The following CAMK2D variants were observed in gnomAD, a reference collection of about 807,000 sequenced individuals.
CAMK2D encodes the protein calcium/calmodulin dependent protein kinase II delta, also known as calcium/calmodulin-dependent protein kinase type II subunit delta.
In CAMK2D, 37 loss-of-function variants were observed where a neutral mutation model predicts 84.0. The ratio of observed to expected loss-of-function variants is 0.44; its 90% CI spans 0.34 to 0.58. The LOEUF (loss-of-function observed/expected upper bound fraction) is 0.58, where lower values mean the gene tolerates loss of function less well. Among genes scored for constraint, CAMK2D ranks in the 20% least tolerant of loss-of-function variants. The probability of loss-of-function intolerance (pLI) is 0.02; values close to 1 mark genes in which losing one functional copy is unlikely to be tolerated. For missense variants in CAMK2D, 448 were observed against 652.5 expected (o/e 0.69, Z 3.41); for synonymous variants, 202 against 212.5 (o/e 0.95, Z 0.43).
chr4:113,548,352 T>C (rs2098599213), intron 5 of CAMK2D, among the ~76,000 whole-genome samples: 1 of 152,138 alleles, frequency 6.6e-6, no homozygotes, highest in Non-Finnish European at 1.5e-5. Context: ...GCCAAGTTTA[T>C]CTCCAGGCAA....
At chr4:113,535,782 C>T (rs2098485565) in intron 7 of CAMK2D, among the ~76,000 whole-genome samples, 1 of 152,172 alleles carries the variant, frequency 6.6e-6, no homozygotes, top group African/African-American at 2.4e-5. Context: ...ATTATTGAAC[C>T]TCTCTCCAGA....
chr4:113,558,209 T>A (rs1005096334), intron 4 of CAMK2D, among the ~76,000 whole-genome samples: 6 of 152,244 alleles, frequency 3.9e-5, no homozygotes, highest in African/African-American at 1.4e-4. Context: ...TCAGTTTTCA[T>A]AATCACCATT....
chr4:113,757,782 T>C (rs2099631860), intron 2 of CAMK2D, among the ~76,000 whole-genome samples: 2 of 152,100 alleles, frequency 1.3e-5, no homozygotes, highest in Non-Finnish European at 2.9e-5. Flanking sequence ...AGGCTTCTTC[T>C]CCACAGATTG....
chr4:113,654,830 C>T (rs2099191506), intron 3 of CAMK2D, among the ~76,000 whole-genome samples: 2 of 151,714 alleles, frequency 1.3e-5, no homozygotes, highest in Admixed American at 6.6e-5. Flanking sequence ...TGCAATATTA[C>T]AATTATCTGA....
chr4:113,577,477 C>T (rs761068065), intron 4 of CAMK2D, among the ~76,000 whole-genome samples: 1 of 152,168 alleles, frequency 6.6e-6, no homozygotes, highest in Non-Finnish European at 1.5e-5. Flanking sequence ...CATCCACATA[C>T]ACTATACTGA....
At chr4:113,489,562 T>TC (rs1264913818) in intron 16 of CAMK2D, among the ~76,000 whole-genome samples, 1 of 149,930 alleles carries the variant, frequency 6.7e-6, no homozygotes, top group Non-Finnish European at 1.5e-5. Context: ...TTGGGTTGGT[T>TC]CCAAGTCTTT....
Position 113,761,371 on chromosome 4 carries a change from A to G in CAMK2D, c.-303T>C. 7.5e-7 allele frequency: 1 copy of G among 1,335,168 alleles called. No homozygotes were observed. Among genetic ancestry groups the G allele is most frequent in the Non-Finnish European group, 9.6e-7 (1 of 1,036,446 alleles). 82.7% of individuals were successfully genotyped at this position (1,335,168 alleles called of 1,614,324 possible). ...TTTTCCAGTCCCTGTCCCCAAATGC[A>G]GGGGGTAAAGTACTCAAGAAGAGGG... On this transcript the variant is annotated 5_prime_UTR_variant, in exon 1 of 21. Coordinates refer to ENST00000511664, the MANE Select transcript of CAMK2D (RefSeq NM_001321571.2).
intron 4 of CAMK2D, among the ~76,000 whole-genome samples, chr4:113,585,949 G>T (rs1248969598): frequency 6.6e-6 from 1 of 152,140 alleles, no homozygotes; most frequent in Non-Finnish European, 1.5e-5. Flanking sequence ...TGGCCACATT[G>T]TTTCCTTTCC....
chr4:113,572,340 G>T (rs1472741066), intron 4 of CAMK2D, among the ~76,000 whole-genome samples: 1 of 151,732 alleles, frequency 6.6e-6, no homozygotes, highest in African/African-American at 2.4e-5. Context: ...CTATTTATAA[G>T]ATTTAAAAAA....
intron 2 of CAMK2D, among the ~76,000 whole-genome samples, chr4:113,689,710 A>G (rs1313402381): frequency 6.6e-6 from 1 of 152,152 alleles, no homozygotes; most frequent in African/African-American, 2.4e-5. Context: ...AAGCAGCCCC[A>G]CTATCATTTT....
intron 2 of CAMK2D, among the ~76,000 whole-genome samples, chr4:113,680,077 C>CT (rs1561793204): frequency 6.6e-6 from 1 of 151,486 alleles, no homozygotes. Flanking sequence ...TTATTTTTTT[C>CT]TTTTTTTAAA....
rs2099018188 is a variant in CAMK2D at position 113,615,670 on chromosome 4, T to C, written c.221-6464A>G. ...ACTTGAGTACATTAGAAAAAATATA[T>C]GCTGTTTTTTTGAAATAGAGATGTT... On this transcript the variant is annotated intron_variant, in intron 3 of 20. Coordinates refer to ENST00000511664, the MANE Select transcript of CAMK2D (RefSeq NM_001321571.2). Among the ~76,000 whole-genome samples, 3 of 152,156 alleles carry C rather than the reference T, an allele frequency of 2.0e-5. No individual in the cohort carries two copies. In the South Asian group the frequency reaches 6.2e-4, roughly 32 times the overall value.
At chr4:113,639,898 T>C (rs1027222877) in intron 3 of CAMK2D, among the ~76,000 whole-genome samples, 1 of 152,068 alleles carries the variant, frequency 6.6e-6, no homozygotes, top group African/African-American at 2.4e-5. Context: ...CCGAGTTGCA[T>C]TTTTAAAAAA....
At chr4:113,754,486 A>G (rs2099623946) in intron 2 of CAMK2D, 2 of 926,480 alleles carry the variant, frequency 2.2e-6, no homozygotes, top group African/African-American at 1.8e-5. Flanking sequence ...TAATTTTTAT[A>G]TTCAGTTTAT....
intron 13 of CAMK2D, among the ~76,000 whole-genome samples, chr4:113,505,908 T>G (rs2098122201): frequency 6.6e-6 from 1 of 152,166 alleles, no homozygotes; most frequent in Non-Finnish European, 1.5e-5. Context: ...GTCGGGGCAC[T>G]AAGAATCAAG....
chr4:113,577,738 T>C (rs1244803861), intron 4 of CAMK2D, among the ~76,000 whole-genome samples: 2 of 144,122 alleles, frequency 1.4e-5, no homozygotes, highest in East Asian at 4.0e-4. Context: ...GTTTTTTCCT[T>C]TGGGCTCTTC....
chr4:113,659,489 G>A (rs1047603112), intron 3 of CAMK2D, among the ~76,000 whole-genome samples: 1 of 152,188 alleles, frequency 6.6e-6, no homozygotes, highest in African/African-American at 2.4e-5. Flanking sequence ...GAGGTTATCA[G>A]TGTGGGCCCT....
chr4:113,678,933 C>T (rs2099329395), intron 2 of CAMK2D, among the ~76,000 whole-genome samples: 1 of 152,072 alleles, frequency 6.6e-6, no homozygotes, highest in Admixed American at 6.6e-5. Context: ...GGTGCCATAA[C>T]CAGCACCCAG....
chr4:113,590,079 G>T (rs1337769544), intron 4 of CAMK2D, among the ~76,000 whole-genome samples: 1 of 151,938 alleles, frequency 6.6e-6, no homozygotes, highest in Non-Finnish European at 1.5e-5. Flanking sequence ...ACTCATTTTG[G>T]GCTTCAGGGA....
Sources: gnomAD v4.1 joint callset for allele counts (sites outside exome capture counted in the v4.1 genomes callset) on GRCh38, gnomAD v4.1.1 for gene constraint, MANE v1.5 for transcripts, NCBI Gene and HGNC (gene_info 2026-07-23, HGNC 2026-07-21) for gene names.